The following CHFR variants were observed in gnomAD, a reference collection of about 807,000 sequenced individuals.
CHFR encodes checkpoint with forkhead and ring finger domains.
A neutral mutation model predicts 87.6 loss-of-function variants in CHFR; 57 were observed. That is an observed-to-expected ratio of 0.65 (90% CI 0.53 to 0.81). The LOEUF is 0.81. CHFR is among the 30% of genes least tolerant of loss of function. The pLI, the probability that CHFR is intolerant of heterozygous loss-of-function variation, is 0.00. For missense variants in CHFR, 797 were observed against 865.8 expected (o/e 0.92, Z 1.00); for synonymous variants, 381 against 359.2 (o/e 1.06, Z -0.69).
intron 2 of CHFR, among the ~76,000 whole-genome samples, chr12:132,882,654 G>A (rs762743160): frequency 4.6e-5 from 7 of 151,806 alleles, no homozygotes; most frequent in Non-Finnish European, 7.4e-5. Flanking sequence ...TGCAAGTCAC[G>A]GTGTCGCCAG....
intron 3 of CHFR, among the ~76,000 whole-genome samples, chr12:132,874,707 G>A (rs952996316): frequency 5.4e-5 from 8 of 148,592 alleles, no homozygotes; most frequent in East Asian, 4.1e-4. Context: ...GCCAGGCCCC[G>A]GAACAGGCAG....
Position 132,838,228 on chromosome 12 carries a change from T to G in CHFR, c.*3326A>C, listed in dbSNP as rs1950662922. On this transcript the variant is annotated 3_prime_UTR_variant, in exon 18 of 18. Transcript: ENST00000450056. ...GGCTCTCACACCTGGGCCCGACCAC[T>G]CCCATCCTGCTGGCCCTGAGGTCAT... The G allele has an allele frequency of 6.6e-6, 1 of 152,522 alleles. No individual in the cohort carries two copies. Among genetic ancestry groups the G allele is most frequent in the Non-Finnish European group, 1.5e-5 (1 of 68,350 alleles). 9.4% of individuals were successfully genotyped at this position (152,522 alleles called of 1,614,324 possible).
At chr12:132,858,034 G>T (rs1371711188) in intron 8 of CHFR, among the ~76,000 whole-genome samples, 3 of 152,218 alleles carry the variant, frequency 2.0e-5, no homozygotes, top group African/African-American at 7.2e-5. Context: ...CTGGGTTCCA[G>T]GTTTCCTCCT....
chr12:132,841,205 A>G lies in CHFR; in HGVS notation c.*349T>C, dbSNP rs1450666893. 2.3e-5 allele frequency: 5 copies of G among 219,232 alleles called. No homozygotes were observed. The highest frequency in any genetic ancestry group is 3.6e-5 in the Non-Finnish European group (4 of 110,908). 13.6% of individuals were successfully genotyped at this position (219,232 alleles called of 1,614,324 possible). A position where few individuals can be genotyped will look rare whatever the true frequency, so the allele number is the denominator to read the frequency against. ...CCTTCTCCCTTGAAACTTTTCCTAA[A>G]AACAGACTTCTGCTTTAACTGTAGT... On this transcript the variant is annotated 3_prime_UTR_variant, in exon 18 of 18. Coordinates refer to ENST00000450056, the MANE Select transcript of CHFR (RefSeq NM_001161346.2).
At chr12:132,870,859 C>G in intron 4 of CHFR, 76 bp from the exon 5 acceptor site, 3 of 843,888 alleles carry the variant, frequency 3.6e-6, no homozygotes, top group East Asian at 2.5e-5. Context: ...CTTCTGTTCT[C>G]CAGTCCATTT....
At chr12:132,853,067 C>G (rs1353068428) in intron 11 of CHFR, among the ~76,000 whole-genome samples, 1 of 152,202 alleles carries the variant, frequency 6.6e-6, no homozygotes, top group Non-Finnish European at 1.5e-5. Flanking sequence ...TGGGGAGAAG[C>G]CCGCCTCTTA....
chr12:132,884,439 T>C (rs2137074439), intron 2 of CHFR, among the ~76,000 whole-genome samples: 1 of 150,920 alleles, frequency 6.6e-6, no homozygotes, highest in South Asian at 2.1e-4. Context: ...CATATATATA[T>C]ATAAAATAAA....
At chr12:132,880,360 C>A (rs900992394) in intron 2 of CHFR, among the ~76,000 whole-genome samples, 1 of 151,892 alleles carries the variant, frequency 6.6e-6, no homozygotes, top group African/African-American at 2.4e-5. Context: ...TGAGGTTTGT[C>A]AAAAGTAAAA....
chr12:132,869,520 A>C (rs1196088483), intron 6 of CHFR, 99 bp downstream of exon 6: 1 of 1,077,346 alleles, frequency 9.3e-7, no homozygotes, highest in East Asian at 2.6e-5. Flanking sequence ...ACCTCATGCC[A>C]GTCCTCAGTC....
At position 132,839,810 on chromosome 12, in the gene CHFR, T is replaced by C; in HGVS notation, c.*1744A>G. Reference sequence around the variant, plus strand: ...CTCACCCCTGCACTAACTAGGGACCTCCCCTCTCAGCCTCGCCCCTGCACA... The same window carrying C: ...CTCACCCCTGCACTAACTAGGGACCCCCCCTCTCAGCCTCGCCCCTGCACA... On this transcript the variant is annotated 3_prime_UTR_variant, in exon 18 of 18. Transcript: ENST00000450056. The C allele has an allele frequency of 5.8e-6, 1 of 171,998 alleles. No individual in the cohort carries two copies. Among genetic ancestry groups the C allele is most frequent in the Non-Finnish European group, 1.2e-5 (1 of 81,156 alleles). 10.7% of individuals were successfully genotyped at this position (171,998 alleles called of 1,614,324 possible). A position where few individuals can be genotyped will look rare whatever the true frequency, so the allele number is the denominator to read the frequency against.
At chr12:132,846,361 C>T (rs1950825643) in intron 15 of CHFR, among the ~76,000 whole-genome samples, 1 of 150,666 alleles carries the variant, frequency 6.6e-6, no homozygotes, top group African/African-American at 2.4e-5. Context: ...CTCCCGGGTT[C>T]ACGCCATTCT....
chr12:132,871,323 G>A (rs1187427581), intron 4 of CHFR, among the ~76,000 whole-genome samples: 3 of 152,118 alleles, frequency 2.0e-5, no homozygotes, highest in African/African-American at 4.8e-5. Flanking sequence ...GTGGTGGTGT[G>A]CACCTGTAAT....
rs374502930 is a variant in CHFR, at chr12:132,870,737, T to C, written c.390A>G (p.Thr130=). The change falls in exon 5 of 18, where the codon ACA becomes ACG. Residue 130 remains threonine (T), a synonymous_variant. Transcript: ENST00000450056. ...ACTCTTACTTACCAAAGGATTCTTGTGTCATGCCTTGCTTTTCACTTAAAG... is the reference window on the plus strand; with the variant it reads ...ACTCTTACTTACCAAAGGATTCTTGCGTCATGCCTTGCTTTTCACTTAAAG... ...YESLSEKQGM[T]QESFDTSGAG... The C allele has an allele frequency of 2.2e-5, 35 of 1,609,320 alleles. No homozygotes were observed. Among genetic ancestry groups the C allele is most frequent in the Non-Finnish European group, 2.9e-5 (34 of 1,175,818 alleles).
intron 11 of CHFR, 90 bp from the exon 12 acceptor site, chr12:132,851,827 G>C (rs150305533): frequency 1.5e-3 from 2,247 of 1,465,898 alleles, no homozygotes; most frequent in South Asian, 1.7e-3. Flanking sequence ...ACAGCGAGGA[G>C]AGGTGCACCT....
intron 6 of CHFR, among the ~76,000 whole-genome samples, chr12:132,869,282 C>T (rs577119809): frequency 1.4e-3 from 210 of 151,992 alleles, no homozygotes; most frequent in Non-Finnish European, 1.9e-3. Flanking sequence ...TGGTGGGCAC[C>T]GGTTTCCTTT....
At chr12:132,881,570 G>A (rs1951770317) in intron 2 of CHFR, among the ~76,000 whole-genome samples, 2 of 151,968 alleles carry the variant, frequency 1.3e-5, no homozygotes, top group Non-Finnish European at 2.9e-5. Flanking sequence ...AGAATTGGCT[G>A]AAAATACTGA....
chr12:132,837,963 T>C lies in CHFR; in HGVS notation c.*3591A>G, dbSNP rs1172658741. 6.6e-6 allele frequency: 1 copy of C among 152,372 alleles called. No homozygotes were observed. Among genetic ancestry groups the C allele is most frequent in the Non-Finnish European group, 1.5e-5 (1 of 68,156 alleles). The allele number at this position is 152,372 out of a possible 1,614,324, so 9.4% of individuals were successfully genotyped here. On this transcript the variant is annotated 3_prime_UTR_variant, in exon 18 of 18. Transcript: ENST00000450056. ...TCTCATGCTTTCCTTCCCTTCCCAGTGCAGGGCTCCCGGCAACCTAGCGGC... is the reference window on the plus strand; with the variant it reads ...TCTCATGCTTTCCTTCCCTTCCCAGCGCAGGGCTCCCGGCAACCTAGCGGC...
At chr12:132,851,792 C>A (rs1298006035) in intron 11 of CHFR, 55 bp from the exon 12 acceptor site, 10 of 1,567,418 alleles carry the variant, frequency 6.4e-6, no homozygotes, top group Non-Finnish European at 7.0e-6. Context: ...AGAAAGACAG[C>A]AGGTTAGAGA....
chr12:132,853,849 C>T, intron 10 of CHFR: 2 of 458,866 alleles, frequency 4.4e-6, no homozygotes, highest in Non-Finnish European at 7.7e-6. Context: ...CTGACGTGTG[C>T]TCCCAGGAGA....
Sources: gnomAD v4.1 joint callset for allele counts (sites outside exome capture counted in the v4.1 genomes callset) on GRCh38, gnomAD v4.1.1 for gene constraint, MANE v1.5 for transcripts, NCBI Gene and HGNC (gene_info 2026-07-23, HGNC 2026-07-21) for gene names.